ACVR1: variants seen among roughly 807,000 people sequenced by gnomAD.
ACVR1 encodes the protein activin A receptor type 1.
In ACVR1, 38 loss-of-function variants were observed where a neutral mutation model predicts 57.1. That is an observed-to-expected ratio of 0.67 (90% CI 0.51 to 0.87). The LOEUF is 0.87. Ranked by LOEUF, ACVR1 falls within the 40% of genes least tolerant of loss-of-function variation. The probability of loss-of-function intolerance (pLI) is 0.00; values close to 1 mark genes in which losing one functional copy is unlikely to be tolerated. For missense variants in ACVR1, 463 were observed against 638.2 expected (o/e 0.73, Z 2.96); for synonymous variants, 212 against 228.1 (o/e 0.93, Z 0.63).
intron 3 of ACVR1, among the ~76,000 whole-genome samples, chr2:157,797,533 T>C (rs1295096948): frequency 6.6e-6 from 1 of 152,218 alleles, no homozygotes; most frequent in Non-Finnish European, 1.5e-5. Flanking sequence ...AGGCTTTCTC[T>C]ATCTAGAAAG....
At chr2:157,801,403 A>C (rs922568022) in intron 2 of ACVR1, among the ~76,000 whole-genome samples, 5 of 152,230 alleles carry the variant, frequency 3.3e-5, no homozygotes, top group African/African-American at 9.6e-5. Flanking sequence ...TACAGAAACT[A>C]GAGATTGCAC....
intron 1 of ACVR1, among the ~76,000 whole-genome samples, chr2:157,873,874 C>T (rs1690191897): frequency 6.6e-6 from 1 of 152,248 alleles, no homozygotes; most frequent in Non-Finnish European, 1.5e-5. Flanking sequence ...TTCCTCACTT[C>T]TGAAATTAAT....
chr2:157,784,124 T>C (rs1238158077), intron 3 of ACVR1, among the ~76,000 whole-genome samples: 1 of 152,178 alleles, frequency 6.6e-6, no homozygotes, highest in African/African-American at 2.4e-5. Flanking sequence ...CATGACTCAC[T>C]TTTTCAGTCT....
chr2:157,788,541 A>G (rs1335570630), intron 3 of ACVR1, among the ~76,000 whole-genome samples: 7 of 152,182 alleles, frequency 4.6e-5, no homozygotes, highest in Non-Finnish European at 1.5e-5. Flanking sequence ...TAACTGCCCC[A>G]AAGCACAAGA....
At chr2:157,757,001 TTTGAG>T (rs1381878119) in intron 9 of ACVR1, among the ~76,000 whole-genome samples, 1 of 138,844 alleles carries the variant, frequency 7.2e-6, no homozygotes, top group Non-Finnish European at 1.5e-5. Context: ...GATATATATA[TTTGAG>T]ATATATATAT....
chr2:157,798,060 T>C (rs1396176615), intron 3 of ACVR1, among the ~76,000 whole-genome samples: 2 of 152,162 alleles, frequency 1.3e-5, no homozygotes, highest in East Asian at 1.9e-4. Context: ...ATCCACCCAG[T>C]TTCTGGTATT....
At chr2:157,814,986 G>A (rs774743683) in intron 2 of ACVR1, among the ~76,000 whole-genome samples, 2 of 152,160 alleles carry the variant, frequency 1.3e-5, no homozygotes, top group African/African-American at 2.4e-5. Context: ...CTAATTGGGA[G>A]GCTGAGGCAG....
intron 1 of ACVR1, among the ~76,000 whole-genome samples, chr2:157,853,348 T>G (rs1438988436): frequency 6.6e-6 from 1 of 152,168 alleles, no homozygotes; most frequent in African/African-American, 2.4e-5. Context: ...CTTCTTGCTG[T>G]GTCCTCATGT....
At chr2:157,749,944 C>T (rs1280268613) in intron 9 of ACVR1, among the ~76,000 whole-genome samples, 1 of 152,256 alleles carries the variant, frequency 6.6e-6, no homozygotes, top group Non-Finnish European at 1.5e-5. Flanking sequence ...CCATGTGCAT[C>T]ATCTGGGTGC....
intron 9 of ACVR1, among the ~76,000 whole-genome samples, chr2:157,741,785 C>T (rs144298884): frequency 9.2e-4 from 140 of 152,134 alleles, no homozygotes; most frequent in African/African-American, 3.3e-3. Flanking sequence ...TGGCAGGGCT[C>T]AGAGGAGGAA....
intron 6 of ACVR1, among the ~76,000 whole-genome samples, chr2:157,770,931 A>T (rs992997533): frequency 8.5e-5 from 13 of 152,250 alleles, no homozygotes; most frequent in Admixed American, 3.3e-4. Flanking sequence ...GTACATCAGT[A>T]AACTGAATTC....
intron 1 of ACVR1, among the ~76,000 whole-genome samples, chr2:157,845,035 A>C (rs1297901990): frequency 6.6e-6 from 1 of 152,242 alleles, no homozygotes; most frequent in Non-Finnish European, 1.5e-5. Context: ...TAGTTACAGC[A>C]GTACAAATGG....
At chr2:157,871,036 A>C (rs1265844948) in intron 1 of ACVR1, among the ~76,000 whole-genome samples, 2 of 152,240 alleles carry the variant, frequency 1.3e-5, no homozygotes, top group Non-Finnish European at 2.9e-5. Context: ...GGTCTAGGCC[A>C]GGCATTGTGT....
At chr2:157,764,344 G>A (rs1685780618) in intron 8 of ACVR1, among the ~76,000 whole-genome samples, 1 of 150,956 alleles carries the variant, frequency 6.6e-6, no homozygotes, top group African/African-American at 2.4e-5. Context: ...TACCACGCCC[G>A]GCTATTATTA....
rs372349092 is a variant in ACVR1, at chr2:157,799,497, A to G, written c.-4T>C. 8 of 1,609,250 alleles carry G rather than the reference A, an allele frequency of 5.0e-6. No individual in the cohort carries two copies. In the African/African-American group the frequency reaches 9.4e-5, roughly 19 times the overall value. On this transcript the variant is annotated 5_prime_UTR_variant, in exon 3 of 11. Transcript: ENST00000434821. ...GAATCATCACTCCATCTACCATTGT[A>G]CAACTGTAAAGGGAAAAGAAGAGAT...
At chr2:157,820,499 G>T (rs2105331816) in intron 1 of ACVR1, among the ~76,000 whole-genome samples, 1 of 152,138 alleles carries the variant, frequency 6.6e-6, no homozygotes, top group African/African-American at 2.4e-5. Flanking sequence ...GGTAGGAAGA[G>T]GTTTAGATAA....
intron 3 of ACVR1, among the ~76,000 whole-genome samples, chr2:157,788,453 C>T (rs1686791922): frequency 6.6e-6 from 1 of 152,152 alleles, no homozygotes; most frequent in African/African-American, 2.4e-5. Context: ...TCCTGCTAGT[C>T]ACTGAGCAGA....
At chr2:157,869,665 A>G (rs1007677171) in intron 1 of ACVR1, among the ~76,000 whole-genome samples, 1 of 152,224 alleles carries the variant, frequency 6.6e-6, no homozygotes, top group African/African-American at 2.4e-5. Context: ...TAGAACATTT[A>G]TGTTTATATA....
chr2:157,837,080 A>G (rs148876312), intron 1 of ACVR1, among the ~76,000 whole-genome samples: 66 of 152,358 alleles, frequency 4.3e-4, no homozygotes, highest in Admixed American at 8.5e-4. Context: ...TAATATACAT[A>G]AAGTTCATAG....
Sources: allele counts gnomAD v4.1 joint callset (sites outside exome capture counted in the v4.1 genomes callset), GRCh38; gene constraint gnomAD v4.1.1; transcripts MANE v1.5; gene names NCBI Gene and HGNC (gene_info 2026-07-23, HGNC 2026-07-21).